EPC1: variants seen among roughly 807,000 people sequenced by gnomAD.
EPC1 encodes the protein enhancer of polycomb homolog 1.
EPC1 carries 12 observed loss-of-function variants against 98.4 expected under a neutral mutation model. That is an observed-to-expected ratio of 0.12 (90% confidence interval 0.08 to 0.20). The LOEUF (loss-of-function observed/expected upper bound fraction) is 0.20, where lower values mean the gene tolerates loss of function less well. EPC1 is among the 10% of genes least tolerant of loss of function. The probability of loss-of-function intolerance (pLI) is 1.00; values close to 1 mark genes in which losing one functional copy is unlikely to be tolerated. For synonymous variants in EPC1, 357 were observed against 363.9 expected, an observed-to-expected ratio of 0.98 and a Z score of 0.21; for missense variants, 729 against 990.5, an observed-to-expected ratio of 0.74 and a Z score of 3.54.
chr10:32,287,801 T>C (rs1200185063), intron 6 of EPC1, among the ~76,000 whole-genome samples: 1 of 152,118 alleles, frequency 6.6e-6, no homozygotes, highest in African/African-American at 2.4e-5. Context: ...TAGTAAGGAT[T>C]TGTGGGCTGA....
intron 1 of EPC1, among the ~76,000 whole-genome samples, chr10:32,362,767 C>T (rs1333400414): frequency 6.6e-6 from 1 of 152,192 alleles, no homozygotes; most frequent in Non-Finnish European, 1.5e-5. Context: ...AGGCACCAAA[C>T]TAACACATGG....
At chr10:32,320,203 T>A (rs553228262) in intron 1 of EPC1, among the ~76,000 whole-genome samples, 20 of 151,672 alleles carry the variant, frequency 1.3e-4, no homozygotes, top group Non-Finnish European at 1.9e-4. Flanking sequence ...TTTTTTTTTT[T>A]AAATAAAGCT....
chr10:32,357,559 C>T lies in EPC1; in HGVS notation c.3+20932G>A, dbSNP rs556462755. 2.0e-5 allele frequency among the ~76,000 whole-genome samples: 3 copies of T among 152,308 alleles called. No homozygotes were observed. The South Asian group carries it at 6.2e-4, about 32-fold the overall frequency. Reference sequence around the variant, plus strand: ...CACTGCAGCCTCAAACTTCTGGATTCAAGTGATCCTTCTGCCTCAGCCTTC... The same window carrying T: ...CACTGCAGCCTCAAACTTCTGGATTTAAGTGATCCTTCTGCCTCAGCCTTC... On this transcript the variant is annotated intron_variant, in intron 1 of 13. Coordinates refer to the EPC1 transcript ENST00000375110.
In EPC1 at chr10:32,271,532, T is replaced by C. The variant is rs369903130; in HGVS notation, c.2369+22A>G. 9.4e-6 allele frequency: 15 copies of C among 1,603,726 alleles called. No individual in the cohort carries two copies. The African/African-American group carries it at 1.9e-4, about 20-fold the overall frequency. On this transcript the variant is annotated intron_variant, in intron 13 of 13. Coordinates refer to ENST00000319778, the MANE Select transcript of EPC1 (RefSeq NM_001272004.3). Reference sequence around the variant, plus strand: ...AGTTAGATCTCTTATTCCAGGTATGTTAGGCAAAAATAACTACTCACCTTG... The same window carrying C: ...AGTTAGATCTCTTATTCCAGGTATGCTAGGCAAAAATAACTACTCACCTTG...
rs760745722 is a variant in EPC1, at chr10:32,285,069, A to C, written c.1392-19T>G. The C allele has an allele frequency of 3.8e-6, 6 of 1,572,254 alleles. No individual in the cohort carries two copies. Among genetic ancestry groups the C allele is most frequent in the Non-Finnish European group, 5.2e-6 (6 of 1,153,624 alleles). On this transcript the variant is annotated intron_variant, in intron 9 of 13. Coordinates refer to ENST00000319778, the MANE Select transcript of EPC1 (RefSeq NM_001272004.3). ...TAAGACCCTATTAAAAAATCAGACA[A>C]GAAACAGTTATTTAAAATAGCTATT...
chr10:32,303,822 A>G (rs1835718218), intron 2 of EPC1, among the ~76,000 whole-genome samples: 1 of 152,266 alleles, frequency 6.6e-6, no homozygotes, highest in South Asian at 2.1e-4. Flanking sequence ...CGTAAACTCT[A>G]GATTGTACCA....
intron 1 of EPC1, among the ~76,000 whole-genome samples, chr10:32,332,671 C>A (rs887921024): frequency 2.6e-5 from 4 of 152,200 alleles, no homozygotes; most frequent in African/African-American, 9.6e-5. Context: ...TATGCAGACA[C>A]AGGTCAGAAC....
rs1838889118 is a variant in EPC1 at position 32,347,066 on chromosome 10, C to A, written c.-151G>T. On this transcript the variant is annotated 5_prime_UTR_variant, in exon 1 of 14. Transcript: ENST00000319778. ...CCGCCGTCCGGGCACTAACACCAGC[C>A]GGGAGGGTGGGAGGCTGTGCCGCTC... is the stretch of plus-strand genomic sequence containing the variant. 1.4e-6 allele frequency: 2 copies of A among 1,457,326 alleles called. No individual in the cohort carries two copies. Among genetic ancestry groups the A allele is most frequent in the East Asian group, 2.5e-5 (1 of 40,388 alleles). The allele number at this position is 1,457,326 out of a possible 1,614,324, so 90.3% of individuals were successfully genotyped here.
upstream of EPC1, among the ~76,000 whole-genome samples, chr10:32,351,845 C>G (rs1414650096): frequency 6.7e-6 from 1 of 148,806 alleles, no homozygotes; most frequent in Non-Finnish European, 1.5e-5. Context: ...ATTCTCCTAC[C>G]TCAGCTTCAC....
At chr10:32,274,784 A>C (rs1415176434) in intron 10 of EPC1, among the ~76,000 whole-genome samples, 1 of 152,228 alleles carries the variant, frequency 6.6e-6, no homozygotes, top group African/African-American at 2.4e-5. Context: ...TGTCAACATG[A>C]TCATTTCCAT....
chr10:32,321,764 C>T (rs1023568077), intron 1 of EPC1, among the ~76,000 whole-genome samples: 1 of 152,094 alleles, frequency 6.6e-6, no homozygotes, highest in South Asian at 2.1e-4. Flanking sequence ...AGGTCTGACT[C>T]CAGAACCCTA....
At chr10:32,368,545 T>C (rs1293720462) in intron 1 of EPC1, among the ~76,000 whole-genome samples, 1 of 152,192 alleles carries the variant, frequency 6.6e-6, no homozygotes, top group African/African-American at 2.4e-5. Context: ...TTTTTTTTGT[T>C]TGTTTTGTTT....
chr10:32,372,637 G>A (rs1195084069), intron 1 of EPC1, among the ~76,000 whole-genome samples: 2 of 152,182 alleles, frequency 1.3e-5, no homozygotes, highest in African/African-American at 4.8e-5. Flanking sequence ...TAAATCAGAA[G>A]GCCGATTACT....
At chr10:32,301,628 A>G (rs1239401393) in intron 2 of EPC1, among the ~76,000 whole-genome samples, 1 of 152,262 alleles carries the variant, frequency 6.6e-6, no homozygotes, top group Non-Finnish European at 1.5e-5. Flanking sequence ...AGATCCACAC[A>G]ACAATGTCCA....
upstream of EPC1, among the ~76,000 whole-genome samples, chr10:32,347,895 A>G (rs1261373101): frequency 1.3e-5 from 2 of 152,242 alleles, no homozygotes; most frequent in Non-Finnish European, 2.9e-5. Context: ...TAGGTATCCT[A>G]TTCTACAAAG....
chr10:32,309,676 C>A (rs1248051764), intron 1 of EPC1, among the ~76,000 whole-genome samples: 3 of 146,320 alleles, frequency 2.1e-5, no homozygotes, highest in Non-Finnish European at 4.5e-5. Flanking sequence ...GGCAACATAG[C>A]CACACCCTGT....
intron 1 of EPC1, 62 bp downstream of exon 1, chr10:32,346,701 C>T: frequency 6.5e-7 from 1 of 1,527,426 alleles, no homozygotes; most frequent in Non-Finnish European, 9.0e-7. Flanking sequence ...TGCTCCGCCG[C>T]CGCCGCAGGC....
intron 10 of EPC1, chr10:32,273,909 C>T (rs976539017): frequency 6.6e-6 from 1 of 151,652 alleles, no homozygotes; most frequent in Admixed American, 6.6e-5. Context: ...TTTTCCCCAC[C>T]CAATTAACCC....
intron 2 of EPC1, among the ~76,000 whole-genome samples, chr10:32,297,046 A>G (rs1835211759): frequency 6.6e-6 from 1 of 152,146 alleles, no homozygotes; most frequent in Admixed American, 6.5e-5. Flanking sequence ...CAACAACCTT[A>G]TTATGTAATT....
Sources: allele counts gnomAD v4.1 joint callset (sites outside exome capture counted in the v4.1 genomes callset), GRCh38; gene constraint gnomAD v4.1.1; transcripts MANE v1.5; gene names NCBI Gene and HGNC (gene_info 2026-07-23, HGNC 2026-07-21).